BAZ1B: variants seen among roughly 807,000 people sequenced by gnomAD.
BAZ1B encodes bromodomain adjacent to zinc finger domain 1B.
Under a neutral mutation model 153.8 loss-of-function variants are expected in BAZ1B, and 22 were observed. The ratio of observed to expected loss-of-function variants is 0.14; its 90% CI spans 0.10 to 0.20. The LOEUF is 0.20. Ranked by LOEUF, BAZ1B falls within the 10% of genes least tolerant of loss-of-function variation. BAZ1B has a pLI of 1.00. For missense variants in BAZ1B, 1,325 were observed against 1,799.3 expected (o/e 0.74, Z 4.77); for synonymous variants, 676 against 633.4 (o/e 1.07, Z -1.01).
At chr7:73,443,288 G>GCT (rs1563360259) in intron 17 of BAZ1B, among the ~76,000 whole-genome samples, 1 of 152,170 alleles carries the variant, frequency 6.6e-6, no homozygotes, top group Non-Finnish European at 1.5e-5. Flanking sequence ...AAAGCAAGAG[G>GCT]TCCAATTCCC....
intron 3 of BAZ1B, among the ~76,000 whole-genome samples, chr7:73,504,555 T>C (rs908501512): frequency 2.0e-5 from 3 of 151,954 alleles, no homozygotes; most frequent in African/African-American, 7.2e-5. Context: ...TCCCAGCTAC[T>C]TGGGAGGCTG....
At chr7:73,483,702 C>A (rs931016567) in intron 6 of BAZ1B, among the ~76,000 whole-genome samples, 1 of 152,058 alleles carries the variant, frequency 6.6e-6, no homozygotes, top group Non-Finnish European at 1.5e-5. Flanking sequence ...AGTGCAGTGG[C>A]ATGATCACAG....
At chr7:73,480,776 G>A (rs1434082195) in intron 6 of BAZ1B, among the ~76,000 whole-genome samples, 2 of 152,058 alleles carry the variant, frequency 1.3e-5, no homozygotes, top group Non-Finnish European at 2.9e-5. Flanking sequence ...ACTGAATAAC[G>A]AAATTATGAG....
At chr7:73,490,264 G>A (rs1204396949) in intron 5 of BAZ1B, among the ~76,000 whole-genome samples, 1 of 152,078 alleles carries the variant, frequency 6.6e-6, no homozygotes, top group African/African-American at 2.4e-5. Flanking sequence ...CACTGTTTTG[G>A]AAGAAAATTT....
At chr7:73,516,824 C>T (rs1317116132) in intron 1 of BAZ1B, among the ~76,000 whole-genome samples, 1 of 146,324 alleles carries the variant, frequency 6.8e-6, no homozygotes, top group African/African-American at 2.5e-5. Context: ...TTTCCTACAA[C>T]CCCTAACAAC....
rs545252854 is a variant in BAZ1B at position 73,482,044 on chromosome 7, A to G, written c.892-3475T>C. On this transcript the variant is annotated intron_variant, in intron 6 of 19. Transcript: ENST00000339594. ...AAAGAGCGAGACTCTGTCTCAAAAA[A>G]ACAAACAAACAAACAAAAAGAAACT... 2.0e-5 allele frequency among the ~76,000 whole-genome samples: 3 copies of G among 152,284 alleles called. No individual in the cohort carries two copies. In the East Asian group the frequency reaches 5.8e-4, roughly 29 times the overall value.
At chr7:73,471,780 T>C (rs1357357955) in intron 7 of BAZ1B, among the ~76,000 whole-genome samples, 1 of 152,138 alleles carries the variant, frequency 6.6e-6, no homozygotes, top group Admixed American at 6.5e-5. Context: ...AAACATGGAA[T>C]TTGTTACCTT....
At chr7:73,461,133 A>G (rs1788383455) in intron 12 of BAZ1B, among the ~76,000 whole-genome samples, 1 of 151,708 alleles carries the variant, frequency 6.6e-6, no homozygotes, top group Admixed American at 6.6e-5. Context: ...GTGCCACCAT[A>G]CCCAGCTAAT....
chr7:73,496,247 A>G (rs1163487298), intron 4 of BAZ1B, among the ~76,000 whole-genome samples: 3 of 152,212 alleles, frequency 2.0e-5, no homozygotes, highest in Non-Finnish European at 4.4e-5. Flanking sequence ...AAACTTCAGT[A>G]TCAAAAAGAA....
chr7:73,483,790 C>A (rs939784233), intron 6 of BAZ1B, among the ~76,000 whole-genome samples: 3 of 152,064 alleles, frequency 2.0e-5, no homozygotes, highest in Non-Finnish European at 4.4e-5. Context: ...TAGAGGCACA[C>A]GCCACCACAC....
At chr7:73,510,661 T>C in intron 2 of BAZ1B, 75 bp downstream of exon 2, 1 of 1,371,986 alleles carries the variant, frequency 7.3e-7, no homozygotes, top group Non-Finnish European at 1.0e-6. Context: ...ATACACATAC[T>C]GCTTTAGGGT....
chr7:73,450,834 G>C lies in BAZ1B; in HGVS notation c.3580+13C>G. 2 of 1,613,170 alleles carry C rather than the reference G, an allele frequency of 1.2e-6. No individual in the cohort carries two copies. Among genetic ancestry groups the C allele is most frequent in the Non-Finnish European group, 1.7e-6 (2 of 1,179,308 alleles). On this transcript the variant is annotated intron_variant, in intron 14 of 19. Transcript: ENST00000339594. This position sits in a 1 kb window ranked among gnomAD's most constrained non-coding sequence, Gnocchi z 4.1. Reference sequence around the variant, plus strand: ...CTAATATACCCACATAAGCAAATTTGATTTAAATATACCTTTCTTTCGACA... The same window carrying C: ...CTAATATACCCACATAAGCAAATTTCATTTAAATATACCTTTCTTTCGACA...
chr7:73,490,884 C>T (rs968942099), intron 5 of BAZ1B, among the ~76,000 whole-genome samples: 1 of 151,610 alleles, frequency 6.6e-6, no homozygotes, highest in Admixed American at 6.6e-5. Context: ...GGATTACAGG[C>T]ATGAGCCACC....
intron 15 of BAZ1B, among the ~76,000 whole-genome samples, chr7:73,449,273 CAG>C (rs1242964567): frequency 1.3e-5 from 2 of 152,028 alleles, no homozygotes; most frequent in African/African-American, 4.8e-5. Flanking sequence ...AGGCTAAAGG[CAG>C]AGAGAGAGAT....
chr7:73,448,605 G>A (rs1787921830), intron 15 of BAZ1B, among the ~76,000 whole-genome samples: 1 of 152,230 alleles, frequency 6.6e-6, no homozygotes, highest in Non-Finnish European at 1.5e-5. Context: ...GCCTAAGGAT[G>A]CAAGCACTTT....
At chr7:73,469,091 T>C (rs1383061004) in intron 9 of BAZ1B, among the ~76,000 whole-genome samples, 1 of 150,582 alleles carries the variant, frequency 6.6e-6, no homozygotes, top group Non-Finnish European at 1.5e-5. Flanking sequence ...GATCACGCCA[T>C]TGCTCTCCAG....
Position 73,466,421 on chromosome 7 carries a change from T to G in BAZ1B, c.2867-20A>C. On this transcript the variant is annotated intron_variant, in intron 9 of 19. Transcript: ENST00000339594. ...TCTTACCTAAGAAAAATTGAGACAT[T>G]AGGTTGACTTTAGTAAATACCCAAT... 2 of 1,565,138 alleles carry G rather than the reference T, an allele frequency of 1.3e-6. No homozygotes were observed. The highest frequency in any genetic ancestry group is 2.2e-5 in the East Asian group (1 of 44,616).
At chr7:73,446,307 G>A (rs886090788) in intron 16 of BAZ1B, among the ~76,000 whole-genome samples, 9 of 151,976 alleles carry the variant, frequency 5.9e-5, no homozygotes, top group Admixed American at 2.6e-4. Flanking sequence ...TGTATTGGCC[G>A]GGCATAGTGG....
intron 3 of BAZ1B, among the ~76,000 whole-genome samples, chr7:73,502,250 C>A (rs187841599): frequency 1.3e-5 from 2 of 152,222 alleles, no homozygotes; most frequent in East Asian, 3.9e-4. Context: ...GTTTTTCCAG[C>A]ACCCAAAACA....
Sources: gnomAD v4.1 joint callset for allele counts (sites outside exome capture counted in the v4.1 genomes callset) on GRCh38, gnomAD v4.1.1 for gene constraint, Gnocchi (gnomAD v3.1) non-coding constraint, MANE v1.5 for transcripts, NCBI Gene and HGNC (gene_info 2026-07-23, HGNC 2026-07-21) for gene names.